OPA1: variants seen among roughly 807,000 people sequenced by gnomAD.
The protein encoded by OPA1 is OPA1 mitochondrial dynamin like GTPase, also known as dynamin-like GTPase OPA1, mitochondrial.
Under a neutral mutation model 152.9 loss-of-function variants are expected in OPA1, and 59 were observed. The ratio of observed to expected loss-of-function variants is 0.39; its 90% CI spans 0.31 to 0.48. The LOEUF (loss-of-function observed/expected upper bound fraction) is 0.48, where lower values mean the gene tolerates loss of function less well. OPA1 is among the 20% of genes least tolerant of loss of function. The pLI, the probability that OPA1 is intolerant of heterozygous loss-of-function variation, is 0.96. For synonymous variants in OPA1, 400 were observed against 389.9 expected (o/e 1.03, Z -0.31); for missense variants, 1,008 against 1,216.8 (o/e 0.83, Z 2.55).
intron 18 of OPA1, chr3:193,646,721 C>A: frequency 6.3e-6 from 1 of 158,292 alleles, no homozygotes; most frequent in Non-Finnish European, 1.4e-5. Flanking sequence ...TGTAGTGACC[C>A]AATATCACGC....
intron 1 of OPA1, among the ~76,000 whole-genome samples, chr3:193,598,674 AT>A (rs1038835773): frequency 6.6e-6 from 1 of 151,946 alleles, no homozygotes; most frequent in African/African-American, 2.4e-5. Flanking sequence ...GGGTGAATAG[AT>A]AAGGAGGATG....
rs143179128 is a variant in OPA1 at position 193,602,941 on chromosome 3, A to G, written c.32+9532A>G. ...AACCAGAAAACATGCAAACTATTACAAGAACATACTGATACCCCATTGAGG... is the reference window on the plus strand; with the variant it reads ...AACCAGAAAACATGCAAACTATTACGAGAACATACTGATACCCCATTGAGG... On this transcript the variant is annotated intron_variant, in intron 1 of 30. Coordinates refer to ENST00000361510, the MANE Select transcript of OPA1 (RefSeq NM_130837.3). Among the ~76,000 whole-genome samples the G allele has an allele frequency of 5.3e-5, 8 of 152,326 alleles. No individual in the cohort carries two copies. In the East Asian group the frequency reaches 1.5e-3, roughly 29 times the overall value.
intron 29 of OPA1, among the ~76,000 whole-genome samples, chr3:193,669,200 C>T (rs375610203): frequency 2.7e-4 from 41 of 152,308 alleles, no homozygotes; most frequent in African/African-American, 8.9e-4. Context: ...CCTGTGCCTG[C>T]GCAGCATGCT....
Position 193,690,581 on chromosome 3 carries a change from T to C in OPA1, c.2984-1482T>C, listed in dbSNP as rs542265702. Among the ~76,000 whole-genome samples the C allele has an allele frequency of 6.3e-4, 96 of 152,268 alleles. 2 individuals are homozygous for C. The South Asian group carries it at 0.019, about 30-fold the overall frequency. ...TTACGTTCTTTATATCCAACCGTGG[T>C]AGGCTTTTTTGAGTTCCTGCAATGC... is the stretch of plus-strand genomic sequence containing the variant. On this transcript the variant is annotated intron_variant, in intron 29 of 30. Transcript: ENST00000361510.
At chr3:193,604,221 G>A (rs1341612117) in intron 1 of OPA1, among the ~76,000 whole-genome samples, 1 of 152,162 alleles carries the variant, frequency 6.6e-6, no homozygotes, top group African/African-American at 2.4e-5. Context: ...CCGTGTTCCT[G>A]ATTATTACAT....
At chr3:193,621,744 T>C (rs1348168762) in intron 6 of OPA1, among the ~76,000 whole-genome samples, 2 of 152,228 alleles carry the variant, frequency 1.3e-5, no homozygotes, top group African/African-American at 4.8e-5. Context: ...TGAAAACGTA[T>C]GTCCACTGGA....
chr3:193,664,072 G>C (rs1370974147), intron 26 of OPA1, among the ~76,000 whole-genome samples: 1 of 151,886 alleles, frequency 6.6e-6, no homozygotes, highest in African/African-American at 2.4e-5. Flanking sequence ...CATGTCTTAG[G>C]CAATGAATTG....
At chr3:193,678,368 G>A (rs559305813) in intron 29 of OPA1, among the ~76,000 whole-genome samples, 4 of 151,776 alleles carry the variant, frequency 2.6e-5, no homozygotes, top group African/African-American at 9.7e-5. Context: ...TATGCATTGT[G>A]GGAAATTAGA....
intron 29 of OPA1, chr3:193,668,222 G>A (rs1717078062): frequency 2.5e-6 from 2 of 810,130 alleles, no homozygotes; most frequent in African/African-American, 1.7e-5. Context: ...GATAGAAAAC[G>A]GGCTTCTAGT....
chr3:193,655,111 C>T (rs1713471714), intron 22 of OPA1, 84 bp downstream of exon 22: 3 of 1,225,334 alleles, frequency 2.4e-6, no homozygotes, highest in Admixed American at 1.8e-5. Flanking sequence ...ATTCCCATCA[C>T]AGCCTCTATC....
In OPA1 at chr3:193,658,967, A is replaced by G; in HGVS notation, c.2412A>G (p.Glu804=). 6.2e-7 allele frequency: 1 copy of G among 1,613,700 alleles called. No homozygotes were observed. The highest frequency in any genetic ancestry group is 8.5e-7 in the Non-Finnish European group (1 of 1,179,634). The change falls in exon 24 of 31, where the codon GAA becomes GAG. Residue 804 remains glutamate, a synonymous_variant. Transcript: ENST00000361510. ...GGGATGCAGCTATTTATTTTATGGA[A>G]GAGGCTCTGCAGGCTCGTCTCAAGG... ...QQWDAAIYFM[E]EALQARLKDT...
chr3:193,684,022 A>G (rs1262109829), intron 29 of OPA1, among the ~76,000 whole-genome samples: 1 of 152,158 alleles, frequency 6.6e-6, no homozygotes, highest in Non-Finnish European at 1.5e-5. Flanking sequence ...AGGTCATTCC[A>G]TCATTCATGG....
intron 29 of OPA1, among the ~76,000 whole-genome samples, chr3:193,683,705 G>A (rs1720518359): frequency 2.0e-5 from 3 of 152,146 alleles, no homozygotes; most frequent in South Asian, 4.1e-4. Flanking sequence ...ATTATGACTT[G>A]CTGAAGGCTC....
intron 29 of OPA1, among the ~76,000 whole-genome samples, chr3:193,674,709 T>TA (rs1208416505): frequency 6.6e-6 from 1 of 152,238 alleles, no homozygotes; most frequent in Admixed American, 6.5e-5. Flanking sequence ...CCCTGGAACT[T>TA]AATTTCTACA....
intron 1 of OPA1, among the ~76,000 whole-genome samples, chr3:193,612,695 T>C (rs1200070928): frequency 6.6e-6 from 1 of 152,224 alleles, no homozygotes; most frequent in Non-Finnish European, 1.5e-5. Flanking sequence ...CCCATAATTT[T>C]TATACGTAAA....
Position 193,677,385 on chromosome 3 carries a change from C to T in OPA1, c.2983+10105C>T, listed in dbSNP as rs900781894. 2.1e-4 allele frequency among the ~76,000 whole-genome samples: 32 copies of T among 149,760 alleles called. 1 individual carries two copies. Among genetic ancestry groups the T allele is most frequent in the Non-Finnish European group, 8.9e-5 (6 of 67,780 alleles). On this transcript the variant is annotated intron_variant, in intron 29 of 30. Coordinates refer to ENST00000361510, the MANE Select transcript of OPA1 (RefSeq NM_130837.3). The stretch of plus-strand genomic sequence containing the variant: ...CATGGCTCACTGCAGCCTTGAACTC[C>T]TGGGCTCAAGTGATCTAATACCTTT...
intron 1 of OPA1, among the ~76,000 whole-genome samples, chr3:193,594,139 G>T (rs1051093222): frequency 6.6e-6 from 1 of 152,012 alleles, no homozygotes; most frequent in African/African-American, 2.4e-5. Context: ...ATTTCTGTGC[G>T]TTACTATATG....
rs552243068 is a variant in OPA1, at chr3:193,638,051, C to T, written c.1135C>T (p.Arg379Cys). ...FPRGSGEMMT[R>C]SPVKVTLSEG... is the part of the protein sequence containing the mutation. ...AAGAGGATCTGGGGAGATGATGACA[C>T]GTTCTCCAGTTAAGGTAAGAACATA... Residue 379 changes from arginine (R) to cysteine (C), a missense_variant, in exon 11 of 31, where the codon CGT (arginine) becomes TGT (cysteine). Physicochemically the swap from Arg to Cys is radical, Grantham distance 180. Around this residue, in one of 7 missense-constraint regions of OPA1, gnomAD observed 213 missense variants for 291.4 expected, o/e 0.73. Transcript: ENST00000361510. 46 of 1,613,182 alleles carry T rather than the reference C, an allele frequency of 2.9e-5. No homozygotes were observed. The South Asian group carries it at 3.8e-4, about 13-fold the overall frequency.
chr3:193,666,374 C>G lies in OPA1; in HGVS notation c.2857C>G (p.Leu953Val), dbSNP rs1231786410. The change falls in exon 28 of 31, where the codon CTT (leucine) becomes GTT (valine). Residue 953 changes from leucine (L) to valine (V), a missense_variant. Leu to Val is a conservative substitution (Grantham distance 32). Coordinates refer to ENST00000361510, the MANE Select transcript of OPA1 (RefSeq NM_130837.3). ...CACCGCAAATACTTTAAGGCAACAA[C>G]TTACAAATACTGAAGGTAAGCCACA... ...AITANTLRQQ[L>V]TNTEVRRLEK... 1.9e-6 allele frequency: 3 copies of G among 1,613,586 alleles called. No homozygotes were observed. The highest frequency in any genetic ancestry group is 3.3e-5 in the Admixed American group (2 of 60,028).
Sources: allele counts gnomAD v4.1 joint callset (sites outside exome capture counted in the v4.1 genomes callset), GRCh38; gene constraint gnomAD v4.1.1; regional missense constraint gnomAD v4.1.1; transcripts MANE v1.5; gene names NCBI Gene and HGNC (gene_info 2026-07-23, HGNC 2026-07-21).